Variants in DENND1A observed in about 807,000 individuals in gnomAD.
The protein encoded by DENND1A is DENN domain containing 1A, also known as DENN domain-containing protein 1A.
DENND1A carries 51 observed loss-of-function variants against 113.7 expected under a neutral mutation model. The observed-to-expected ratio is 0.45, with a 90% CI of 0.36 to 0.57. The LOEUF (loss-of-function observed/expected upper bound fraction) is 0.57, where lower values mean the gene tolerates loss of function less well. DENND1A is among the 20% of genes least tolerant of loss of function. DENND1A has a pLI of 0.00. For missense variants in DENND1A, 1,258 were observed against 1,395.9 expected (o/e 0.90, Z 1.57); for synonymous variants, 565 against 570.8 (o/e 0.99, Z 0.14).
At chr9:123,861,710 A>G (rs992878050) in intron 2 of DENND1A, among the ~76,000 whole-genome samples, 4 of 152,216 alleles carry the variant, frequency 2.6e-5, no homozygotes, top group Non-Finnish European at 5.9e-5. Context: ...AAGCAAGCCC[A>G]CTGTGAACTT....
At chr9:123,880,973 A>C (rs1588064787) in intron 1 of DENND1A, among the ~76,000 whole-genome samples, 1 of 152,280 alleles carries the variant, frequency 6.6e-6, no homozygotes, top group Admixed American at 6.5e-5. Flanking sequence ...TTAGGAGGGG[A>C]AAGAAAAATA....
At chr9:123,917,015 CT>C (rs1482109277) in intron 1 of DENND1A, among the ~76,000 whole-genome samples, 4 of 151,848 alleles carry the variant, frequency 2.6e-5, no homozygotes, top group Non-Finnish European at 5.9e-5. Flanking sequence ...GAAACCCTGT[CT>C]CTACTAAAAA....
chr9:123,695,582 G>A (rs569015261), intron 5 of DENND1A, among the ~76,000 whole-genome samples: 2 of 152,108 alleles, frequency 1.3e-5, no homozygotes, highest in South Asian at 2.1e-4. Context: ...CTGACTGTGA[G>A]GTCCTTTGCT....
At position 123,660,574 on chromosome 9, in the gene DENND1A, T is replaced by A. The variant is rs73665322; in HGVS notation, c.507+6452A>T. ...ATTTATTCTTAAAAGAAAAAAAAAA[T>A]TTTTTAATGAACCTAACCTAGGCAA... On this transcript the variant is annotated intron_variant, in intron 8 of 23. Transcript: ENST00000394215. 2.1e-3 allele frequency among the ~76,000 whole-genome samples: 326 copies of A among 151,840 alleles called. 1 individual carries two copies. Among genetic ancestry groups the A allele is most frequent in the African/African-American group, 5.9e-3 (244 of 41,428 alleles).
At chr9:123,472,868 C>T (rs913633372) in intron 13 of DENND1A, among the ~76,000 whole-genome samples, 2 of 152,014 alleles carry the variant, frequency 1.3e-5, no homozygotes, top group Non-Finnish European at 2.9e-5. Flanking sequence ...GCTGGGCCCT[C>T]TGTGGGGAGG....
intron 19 of DENND1A, among the ~76,000 whole-genome samples, chr9:123,433,799 A>G (rs1314958803): frequency 1.3e-5 from 2 of 152,264 alleles, no homozygotes; most frequent in East Asian, 3.9e-4. Flanking sequence ...ATGTGACTCA[A>G]GGGATGATGG....
At position 123,538,749 on chromosome 9, in the gene DENND1A, AGTGTGTGT is replaced by A. The variant is rs145062895; in HGVS notation, c.993+18813_993+18820del. On this transcript the variant is annotated intron_variant, in intron 13 of 23. Transcript: ENST00000394215. ...AATCCACCAGGCAATTATGTGTGTGAGTGTGTGTGTGTGTGTGTGTGTGTGTGTGTGTG... is the reference window on the plus strand; with the variant it reads ...AATCCACCAGGCAATTATGTGTGTGAGTGTGTGTGTGTGTGTGTGTGTGTG... 6.0e-3 allele frequency among the ~76,000 whole-genome samples: 543 copies of A among 91,014 alleles called. 3 individuals are homozygous for A. The highest frequency in any genetic ancestry group is 0.011 in the Admixed American group (96 of 9,136). The allele number at this position is 91,014 out of a possible 152,430, so 59.7% of individuals were successfully genotyped here.
At chr9:123,596,542 A>G (rs1486268127) in intron 11 of DENND1A, among the ~76,000 whole-genome samples, 3 of 152,004 alleles carry the variant, frequency 2.0e-5, no homozygotes, top group African/African-American at 7.2e-5. Context: ...CAGATCATAG[A>G]GTATCAGAGT....
intron 22 of DENND1A, 135 bp downstream of exon 22, chr9:123,387,595 G>C: frequency 9.6e-7 from 1 of 1,037,710 alleles, no homozygotes; most frequent in South Asian, 1.5e-5. Context: ...GTTGGCACTG[G>C]GGCACCGGCA....
At chr9:123,538,749 A>AGTGTGTGTGTGT (rs145062895) in intron 13 of DENND1A, among the ~76,000 whole-genome samples, 33 of 91,030 alleles carry the variant, frequency 3.6e-4, no homozygotes, top group African/African-American at 1.3e-3. Context: ...TATGTGTGTG[A>AGTGTGTGTGTGT]GTGTGTGTGT....
At chr9:123,521,449 A>C (rs1001078431) in intron 13 of DENND1A, among the ~76,000 whole-genome samples, 15 of 152,206 alleles carry the variant, frequency 9.9e-5, no homozygotes, top group Admixed American at 9.8e-4. Context: ...CGACTTCCCC[A>C]TTTGTAAAAA....
intron 2 of DENND1A, among the ~76,000 whole-genome samples, chr9:123,844,587 G>A (rs1182576583): frequency 6.6e-6 from 1 of 152,024 alleles, no homozygotes; most frequent in East Asian, 1.9e-4. Context: ...TTAATAAATG[G>A]AAAGATATCC....
intron 19 of DENND1A, among the ~76,000 whole-genome samples, chr9:123,438,664 G>A (rs922015524): frequency 1.3e-5 from 2 of 151,964 alleles, no homozygotes; most frequent in African/African-American, 4.8e-5. Context: ...GACAAACAGG[G>A]AAAAAAAGCC....
At chr9:123,798,163 T>C (rs573290743) in intron 2 of DENND1A, 1 of 152,272 alleles carries the variant, frequency 6.6e-6, no homozygotes, top group Admixed American at 6.5e-5. Flanking sequence ...AAATGCAATT[T>C]CACAGCAGCC....
chr9:123,379,710 A>G lies in DENND1A; in HGVS notation c.*1722T>C, dbSNP rs1291448497. ...CACAAAGTTCATCCTTGGGTTTGCA[A>G]AAAGTCCCACAAGTGAAGAGGCAGC... On this transcript the variant is annotated 3_prime_UTR_variant, in exon 24 of 24. Coordinates refer to ENST00000394215, the MANE Select transcript of DENND1A (RefSeq NM_001352964.2). 6.6e-6 allele frequency: 1 copy of G among 152,254 alleles called. No individual in the cohort carries two copies. Among genetic ancestry groups the G allele is most frequent in the Non-Finnish European group, 1.5e-5 (1 of 68,054 alleles). The allele number at this position is 152,254 out of a possible 1,614,324, so 9.4% of individuals were successfully genotyped here.
intron 2 of DENND1A, among the ~76,000 whole-genome samples, chr9:123,804,092 C>T (rs570696225): frequency 1.3e-5 from 2 of 152,266 alleles, no homozygotes; most frequent in South Asian, 2.1e-4. Context: ...GGGAGGAACC[C>T]GTGGAAGGTG....
At chr9:123,599,758 G>T (rs1453957994) in intron 11 of DENND1A, among the ~76,000 whole-genome samples, 1 of 152,226 alleles carries the variant, frequency 6.6e-6, no homozygotes, top group Non-Finnish European at 1.5e-5. Flanking sequence ...GCATTAATTT[G>T]TGCAGAAAAT....
At chr9:123,894,961 C>A (rs1850492051) in intron 1 of DENND1A, among the ~76,000 whole-genome samples, 1 of 151,922 alleles carries the variant, frequency 6.6e-6, no homozygotes. Flanking sequence ...GAGACACATG[C>A]TGAGCAAAGT....
At chr9:123,475,232 T>C (rs4240481) in intron 13 of DENND1A, among the ~76,000 whole-genome samples, 149,779 of 152,246 alleles carry the variant, frequency 0.98, 73,707 homozygotes, top group Middle Eastern at 1. Flanking sequence ...TTGGCCAAGC[T>C]GGCCTCGAAC....
Sources: gnomAD v4.1 joint callset for allele counts (sites outside exome capture counted in the v4.1 genomes callset) on GRCh38, gnomAD v4.1.1 for gene constraint, MANE v1.5 for transcripts, NCBI Gene and HGNC (gene_info 2026-07-23, HGNC 2026-07-21) for gene names.